CADPS2: variants seen among roughly 807,000 people sequenced by gnomAD.
CADPS2 encodes calcium-dependent secretion activator 2.
Under a neutral mutation model 172.5 loss-of-function variants are expected in CADPS2, and 93 were observed. That is an observed-to-expected ratio of 0.54 (90% CI 0.46 to 0.64). The LOEUF (loss-of-function observed/expected upper bound fraction) is 0.64, where lower values mean the gene tolerates loss of function less well. CADPS2 is among the 30% of genes least tolerant of loss of function. CADPS2 has a pLI of 0.00. For synonymous variants in CADPS2, 546 were observed against 555.2 expected (o/e 0.98, Z 0.23); for missense variants, 1,420 against 1,565.9 (o/e 0.91, Z 1.57).
intron 1 of CADPS2, among the ~76,000 whole-genome samples, chr7:122,787,764 G>T (rs141252132): frequency 1.3e-5 from 2 of 152,176 alleles, no homozygotes; most frequent in Admixed American, 6.5e-5. Flanking sequence ...AGGATACTTG[G>T]TATTAGCTGT....
chr7:122,734,173 A>C (rs2091924041), intron 2 of CADPS2, among the ~76,000 whole-genome samples: 1 of 151,110 alleles, frequency 6.6e-6, no homozygotes. Context: ...ACTTAACTTC[A>C]TGAGTAAGAT....
intron 1 of CADPS2, among the ~76,000 whole-genome samples, chr7:122,849,173 C>T (rs536914751): frequency 2.1e-4 from 32 of 152,234 alleles, no homozygotes; most frequent in African/African-American, 7.5e-4. Context: ...ATGTTGGTTG[C>T]CCACTATTTT....
chr7:122,834,973 G>A (rs1807878052), intron 1 of CADPS2, among the ~76,000 whole-genome samples: 1 of 152,200 alleles, frequency 6.6e-6, no homozygotes, highest in Non-Finnish European at 1.5e-5. Flanking sequence ...ACTGAGAACG[G>A]ACAGACTGCC....
At chr7:122,565,671 G>A (rs2066368591) in intron 7 of CADPS2, among the ~76,000 whole-genome samples, 1 of 152,086 alleles carries the variant, frequency 6.6e-6, no homozygotes, top group African/African-American at 2.4e-5. Context: ...ACTGCTAAAG[G>A]CAACAGAGGT....
At chr7:122,650,623 A>G (rs1405168345) in intron 3 of CADPS2, among the ~76,000 whole-genome samples, 4 of 152,214 alleles carry the variant, frequency 2.6e-5, no homozygotes, top group South Asian at 2.1e-4. Context: ...TCAACAAAAC[A>G]TTTTAGCAGA....
At chr7:122,728,039 C>G (rs930445477) in intron 2 of CADPS2, among the ~76,000 whole-genome samples, 2 of 151,794 alleles carry the variant, frequency 1.3e-5, no homozygotes, top group South Asian at 4.1e-4. Flanking sequence ...CAACAACTCA[C>G]TACAAAAAAA....
chr7:122,461,498 G>A (rs1005287508), intron 14 of CADPS2, among the ~76,000 whole-genome samples: 7 of 151,976 alleles, frequency 4.6e-5, no homozygotes, highest in African/African-American at 1.7e-4. Flanking sequence ...AAACACAAAA[G>A]AACAAAAGAA....
intron 3 of CADPS2, among the ~76,000 whole-genome samples, chr7:122,640,701 G>A (rs189158388): frequency 2.0e-5 from 3 of 152,140 alleles, no homozygotes; most frequent in African/African-American, 7.2e-5. Flanking sequence ...GGAGGCCGAG[G>A]CAGGCGGATC....
intron 2 of CADPS2, chr7:122,676,908 C>T (rs1483225348): frequency 1.5e-5 from 7 of 456,066 alleles, no homozygotes; most frequent in Non-Finnish European, 2.3e-5. Flanking sequence ...CTGTTTTGTG[C>T]CAGGCTTTTT....
At chr7:122,678,599 G>T (rs1408146738) in intron 2 of CADPS2, among the ~76,000 whole-genome samples, 1 of 152,292 alleles carries the variant, frequency 6.6e-6, no homozygotes, top group South Asian at 2.1e-4. Flanking sequence ...CCTCTGAGTA[G>T]GGGCCATAGG....
intron 1 of CADPS2, among the ~76,000 whole-genome samples, chr7:122,791,801 G>A (rs983504858): frequency 6.6e-6 from 1 of 151,966 alleles, no homozygotes; most frequent in Non-Finnish European, 1.5e-5. Context: ...CAATAAAAAA[G>A]GTTGACTAAA....
At chr7:122,774,269 T>TACACACACACACACACAC (rs56843003) in intron 1 of CADPS2, among the ~76,000 whole-genome samples, 1 of 142,966 alleles carries the variant, frequency 7.0e-6, no homozygotes, top group Non-Finnish European at 1.5e-5. Flanking sequence ...TAGATAGATA[T>TACACACACACACACACAC]ACACACACAC....
At chr7:122,871,869 C>T (rs1263177205) in intron 1 of CADPS2, among the ~76,000 whole-genome samples, 2 of 152,080 alleles carry the variant, frequency 1.3e-5, no homozygotes, top group African/African-American at 4.8e-5. Context: ...TTCTCCAGCT[C>T]AGCCTTCTTT....
At chr7:122,797,934 T>C (rs1796754135) in intron 1 of CADPS2, among the ~76,000 whole-genome samples, 1 of 152,108 alleles carries the variant, frequency 6.6e-6, no homozygotes, top group African/African-American at 2.4e-5. Context: ...CTCTAATTCA[T>C]AGAGATTTGC....
At chr7:122,669,338 A>AAAAT (rs1461399903) in intron 2 of CADPS2, among the ~76,000 whole-genome samples, 39 of 129,034 alleles carry the variant, frequency 3.0e-4, no homozygotes, top group African/African-American at 1.0e-3. Flanking sequence ...CTAAAGAAAA[A>AAAAT]ATATATATAT....
chr7:122,705,043 G>A (rs1448321284), intron 2 of CADPS2, among the ~76,000 whole-genome samples: 2 of 151,994 alleles, frequency 1.3e-5, no homozygotes, highest in Non-Finnish European at 2.9e-5. Flanking sequence ...TGGGTGGTCA[G>A]GTATAAATTC....
chr7:122,538,526 C>T (rs555512346), intron 8 of CADPS2, among the ~76,000 whole-genome samples: 3 of 150,994 alleles, frequency 2.0e-5, no homozygotes, highest in African/African-American at 7.3e-5. Context: ...TATTGTTTTC[C>T]ATGAATGTAA....
At chr7:122,884,566 T>C (rs1823794578) in intron 1 of CADPS2, among the ~76,000 whole-genome samples, 1 of 152,210 alleles carries the variant, frequency 6.6e-6, no homozygotes, top group Admixed American at 6.5e-5. Flanking sequence ...ACCTGAAGGA[T>C]CTGTTATTAA....
chr7:122,738,869 A>AG (rs2092327800), intron 1 of CADPS2, among the ~76,000 whole-genome samples: 1 of 151,896 alleles, frequency 6.6e-6, no homozygotes, highest in South Asian at 2.1e-4. Context: ...AAAAAAAAAA[A>AG]AACTTTTGCC....
Sources: gnomAD v4.1 joint callset for allele counts (sites outside exome capture counted in the v4.1 genomes callset) on GRCh38, gnomAD v4.1.1 for gene constraint, MANE v1.5 for transcripts, NCBI Gene and HGNC (gene_info 2026-07-23, HGNC 2026-07-21) for gene names.